ANTXR2: variants seen among roughly 807,000 people sequenced by gnomAD.
ANTXR2 encodes anthrax toxin receptor 2.
Under a neutral mutation model 73.7 loss-of-function variants are expected in ANTXR2, and 44 were observed. The ratio of observed to expected loss-of-function variants is 0.60; its 90% CI spans 0.47 to 0.77. The LOEUF (loss-of-function observed/expected upper bound fraction) is 0.77, where lower values mean the gene tolerates loss of function less well. ANTXR2 is among the 30% of genes least tolerant of loss of function. The pLI, the probability that ANTXR2 is intolerant of heterozygous loss-of-function variation, is 0.00. For synonymous variants in ANTXR2, 217 were observed against 205.9 expected, an observed-to-expected ratio of 1.05 and a Z score of -0.46; for missense variants, 604 against 592.5, an observed-to-expected ratio of 1.02 and a Z score of -0.20.
At chr4:79,913,727 A>G (rs1727237196) in intron 16 of ANTXR2, among the ~76,000 whole-genome samples, 1 of 152,156 alleles carries the variant, frequency 6.6e-6, no homozygotes, top group African/African-American at 2.4e-5. Flanking sequence ...CTCTAGGTCA[A>G]TGGTTTTTTC....
intron 8 of ANTXR2, among the ~76,000 whole-genome samples, chr4:80,034,088 C>T (rs148045197): frequency 6.6e-6 from 1 of 152,204 alleles, no homozygotes; most frequent in East Asian, 1.9e-4. Context: ...CCTTACTAAT[C>T]CTGATTCATT....
At chr4:80,003,176 G>A (rs1056162993) in intron 12 of ANTXR2, among the ~76,000 whole-genome samples, 1 of 152,082 alleles carries the variant, frequency 6.6e-6, no homozygotes, top group African/African-American at 2.4e-5. Context: ...GTCCATGAAT[G>A]ATAGATTGGA....
In ANTXR2 at chr4:79,901,146, G is replaced by C. The variant is rs1425624892; in HGVS notation, c.*6283C>G. On this transcript the variant is annotated 3_prime_UTR_variant, in exon 17 of 17. Transcript: ENST00000403729. ...ATTAACAGAGACTTTCAGAACTAGAGGATATTAAAAAAAGAACTAAAAAGA... is the reference window on the plus strand; with the variant it reads ...ATTAACAGAGACTTTCAGAACTAGACGATATTAAAAAAAGAACTAAAAAGA... 1 of 151,394 alleles carries C rather than the reference G, an allele frequency of 6.6e-6. No individual in the cohort carries two copies. The highest frequency in any genetic ancestry group is 2.4e-5 in the African/African-American group (1 of 41,178). The allele number at this position is 151,394 out of a possible 1,614,324, so 9.4% of individuals were successfully genotyped here. A position where few individuals can be genotyped will look rare whatever the true frequency, so the allele number is the denominator to read the frequency against.
intron 7 of ANTXR2, among the ~76,000 whole-genome samples, chr4:80,047,599 T>C (rs1733576696): frequency 6.6e-6 from 1 of 151,710 alleles, no homozygotes; most frequent in African/African-American, 2.4e-5. Context: ...GGTACAGGAA[T>C]GAGCTCATGA....
chr4:80,005,911 G>C (rs1007131072), intron 12 of ANTXR2, among the ~76,000 whole-genome samples: 1 of 152,072 alleles, frequency 6.6e-6, no homozygotes, highest in African/African-American at 2.4e-5. Flanking sequence ...ACAAGACATA[G>C]GAGGTCCTCC....
intron 16 of ANTXR2, among the ~76,000 whole-genome samples, chr4:79,976,517 A>G (rs894278596): frequency 2.6e-5 from 4 of 152,214 alleles, no homozygotes; most frequent in African/African-American, 9.7e-5. Context: ...ATGACCCGGA[A>G]GTTGTCACAC....
chr4:80,019,192 C>T (rs1237919737), intron 10 of ANTXR2, among the ~76,000 whole-genome samples: 1 of 151,966 alleles, frequency 6.6e-6, no homozygotes, highest in Non-Finnish European at 1.5e-5. Context: ...CATAGTGAAA[C>T]CCCATCTCTA....
At chr4:80,065,834 G>C (rs1218583136) in intron 3 of ANTXR2, among the ~76,000 whole-genome samples, 1 of 152,188 alleles carries the variant, frequency 6.6e-6, no homozygotes, top group Non-Finnish European at 1.5e-5. Context: ...AAACAAAATT[G>C]TGAAACCTGC....
chr4:79,994,218 C>T (rs1423296793), intron 12 of ANTXR2, among the ~76,000 whole-genome samples: 1 of 151,820 alleles, frequency 6.6e-6, no homozygotes, highest in African/African-American at 2.4e-5. Flanking sequence ...CAATTGATTC[C>T]CCATTTTAAC....
chr4:80,012,040 G>A lies in ANTXR2; in HGVS notation c.946-3424C>T, dbSNP rs557369120. On this transcript the variant is annotated intron_variant, in intron 11 of 16. Coordinates refer to ENST00000403729, the MANE Select transcript of ANTXR2 (RefSeq NM_058172.6). ...CTGCTGCCCTTGCAACATAACTATGGGACAGAGGAATCACTGGAAAGTTTC... is the reference window on the plus strand; with the variant it reads ...CTGCTGCCCTTGCAACATAACTATGAGACAGAGGAATCACTGGAAAGTTTC... Among the ~76,000 whole-genome samples, 102 of 152,282 alleles carry A rather than the reference G, an allele frequency of 6.7e-4. 3 individuals carry two copies. The highest frequency in any genetic ancestry group is 6.6e-3 in the Admixed American group (101 of 15,304).
intron 16 of ANTXR2, among the ~76,000 whole-genome samples, chr4:79,931,028 A>C (rs1728034146): frequency 6.6e-6 from 1 of 152,202 alleles, no homozygotes; most frequent in Admixed American, 6.5e-5. Context: ...AATTTTCCTA[A>C]ATAGAATTGT....
intron 16 of ANTXR2, among the ~76,000 whole-genome samples, chr4:79,933,113 A>G (rs1284300906): frequency 7.2e-5 from 11 of 152,218 alleles, no homozygotes; most frequent in Admixed American, 7.2e-4. Flanking sequence ...TGAATATCCT[A>G]ACACAGAGGA....
rs1730249733 is a variant in ANTXR2 at position 79,987,708 on chromosome 4, G to T, written c.1042-2845C>A. Among the ~76,000 whole-genome samples, 6 of 152,118 alleles carry T rather than the reference G, an allele frequency of 3.9e-5. 1 individual carries two copies. In the South Asian group the frequency reaches 1.2e-3, roughly 32 times the overall value. On this transcript the variant is annotated intron_variant, in intron 12 of 16. Coordinates refer to ENST00000403729, the MANE Select transcript of ANTXR2 (RefSeq NM_058172.6). ...AACGCAAAGGAAAGAAATGTTAAAG[G>T]CAGCTACAGAGAAGGGCCAGGTTAA...
At chr4:79,907,548 G>T in intron 16 of ANTXR2, 81 bp from the exon 17 acceptor site, 1 of 1,382,558 alleles carries the variant, frequency 7.2e-7, no homozygotes, top group Non-Finnish European at 1.0e-6. Flanking sequence ...TTCCTACCAT[G>T]ATAATAAATG....
intron 6 of ANTXR2, among the ~76,000 whole-genome samples, 186 bp from the exon 7 acceptor site, chr4:80,054,538 C>A (rs531370127): frequency 4.0e-5 from 6 of 151,836 alleles, no homozygotes; most frequent in Admixed American, 1.3e-4. Context: ...TGTATTACCA[C>A]AAAATGAATT....
At chr4:80,040,505 A>T (rs1057047620) in intron 7 of ANTXR2, among the ~76,000 whole-genome samples, 14 of 152,068 alleles carry the variant, frequency 9.2e-5, no homozygotes, top group African/African-American at 3.1e-4. Flanking sequence ...CAAGAGAGAA[A>T]ATTGTAAGGA....
Position 79,984,679 on chromosome 4 carries a change from T to C in ANTXR2, c.1086+140A>G, listed in dbSNP as rs28534734. On this transcript the variant is annotated intron_variant, in intron 13 of 16. Transcript: ENST00000403729. ...AAATAAATCATAAGAGGATGAAAAA[T>C]AACCACTGATTTGTATAAATTAAAA... The C allele has an allele frequency of 0.43, 329,714 of 775,572 alleles. 74,453 individuals carry two copies. Among genetic ancestry groups the C allele is most frequent in the Non-Finnish European group, 0.47 (211,522 of 453,544 alleles). 48.0% of individuals were successfully genotyped at this position (775,572 alleles called of 1,614,324 possible). A position where few individuals can be genotyped will look rare whatever the true frequency, so the allele number is the denominator to read the frequency against.
intron 12 of ANTXR2, among the ~76,000 whole-genome samples, chr4:80,001,013 G>A (rs1228015437): frequency 6.6e-6 from 1 of 151,946 alleles, no homozygotes; most frequent in Non-Finnish European, 1.5e-5. Flanking sequence ...TTGTAAACCC[G>A]TCTCTTCCAA....
Position 79,906,152 on chromosome 4 carries a change from C to A in ANTXR2, c.*1277G>T, listed in dbSNP as rs776096431. ...CGCTAACATAATTTGGCATCGTCGACGTGACACGATGGTGGTTTTTCTAAA... is the reference window on the plus strand; with the variant it reads ...CGCTAACATAATTTGGCATCGTCGAAGTGACACGATGGTGGTTTTTCTAAA... On this transcript the variant is annotated 3_prime_UTR_variant, in exon 17 of 17. Transcript: ENST00000403729. 6.6e-6 allele frequency: 1 copy of A among 152,572 alleles called. No homozygotes were observed. Among genetic ancestry groups the A allele is most frequent in the African/African-American group, 2.4e-5 (1 of 41,426 alleles). The allele number at this position is 152,572 out of a possible 1,614,324, so 9.5% of individuals were successfully genotyped here.
Sources: allele counts gnomAD v4.1 joint callset (sites outside exome capture counted in the v4.1 genomes callset), GRCh38; gene constraint gnomAD v4.1.1; transcripts MANE v1.5; gene names NCBI Gene and HGNC (gene_info 2026-07-23, HGNC 2026-07-21).